The following KPRP variants were observed in gnomAD, a reference collection of about 807,000 sequenced individuals.
The protein encoded by KPRP is keratinocyte proline rich protein.
For synonymous variants in KPRP, 282 were observed against 276.9 expected, an observed-to-expected ratio of 1.02 and a Z score of -0.18; for missense variants, 820 against 746.4, an observed-to-expected ratio of 1.10 and a Z score of -1.15.
At chr1:152,760,371 G>A (rs1205728307) in exon 1 of KPRP, 1 of 1,614,102 alleles carries the variant, frequency 6.2e-7, no homozygotes, top group South Asian at 1.1e-5. Flanking sequence ...CTCCTCGGCG[G>A]CTGCAGCTTT....
At chr1:152,759,702 A>T in exon 1 of KPRP, 1 of 1,614,160 alleles carries the variant, frequency 6.2e-7, no homozygotes, top group Non-Finnish European at 8.5e-7. Flanking sequence ...TGGTGGTTCA[A>T]GCCCCTTGTG....
chr1:152,759,456 A>T, upstream of KPRP: 1 of 1,404,798 alleles, frequency 7.1e-7, no homozygotes, highest in Non-Finnish European at 9.4e-7. Context: ...ATGAAAGTTG[A>T]GGGTGGAGGA....
At chr1:152,760,608 A>G (rs781089906) in exon 1 of KPRP, 7 of 1,608,826 alleles carry the variant, frequency 4.4e-6, no homozygotes, top group Admixed American at 1.7e-5. Context: ...AGGTTCCCCC[A>G]CAGAGGTGTC....
At chr1:152,759,837 C>T in exon 1 of KPRP, 2 of 1,614,092 alleles carry the variant, frequency 1.2e-6, no homozygotes, top group South Asian at 1.1e-5. Flanking sequence ...AGGTGAAGGG[C>T]CAGGCTCAAT....
chr1:152,758,694 C>T (rs188885783), upstream of KPRP, among the ~76,000 whole-genome samples: 1 of 152,272 alleles, frequency 6.6e-6, no homozygotes, highest in East Asian at 1.9e-4. Flanking sequence ...GCAGAATGTC[C>T]GTCTTCTGAT....
chr1:152,760,736 G>A (rs552551398), exon 1 of KPRP: 1 of 1,614,064 alleles, frequency 6.2e-7, no homozygotes, highest in Non-Finnish European at 8.5e-7. Context: ...CCAAGCTTCT[G>A]TCCACCACGG....
exon 1 of KPRP, chr1:152,761,972 A>C (rs1345028927): frequency 6.0e-6 from 1 of 167,940 alleles, no homozygotes; most frequent in Non-Finnish European, 1.5e-5. Flanking sequence ...TGGCAGCTTG[A>C]ACCATGTTCT....
chr1:152,761,317 G>C, exon 1 of KPRP: 1 of 1,612,530 alleles, frequency 6.2e-7, no homozygotes, highest in Non-Finnish European at 8.5e-7. Context: ...AGCAAAGAGT[G>C]CTTATTTTTA....
At chr1:152,759,864 C>G (rs745463449) in exon 1 of KPRP, 1 of 1,613,950 alleles carries the variant, frequency 6.2e-7, no homozygotes, top group Non-Finnish European at 8.5e-7. Context: ...CTAAGACCAC[C>G]CAGGTGAAGG....
At position 152,760,480 on chromosome 1, in the gene KPRP, C is replaced by A. The variant is rs762503498; in HGVS notation, c.892C>A (p.Pro298Thr). The change falls in exon 1 of 1, where the codon CCC (proline) becomes ACC (threonine). Residue 298 changes from proline (P) to threonine (T), a missense_variant. Pro to Thr is a conservative substitution (Grantham distance 38, BLOSUM62 -1). Coordinates refer to ENST00000606109, the Ensembl canonical transcript of KPRP. The stretch of plus-strand genomic sequence containing the variant: ...AGGTTTCCCTAACTACTGCACCCCA[C>A]CCCGCCGCTCTGAACCCATATATAA... The A allele has an allele frequency of 9.2e-5, 149 of 1,613,264 alleles. No individual in the cohort carries two copies. Among genetic ancestry groups the A allele is most frequent in the Non-Finnish European group, 1.2e-4 (142 of 1,180,026 alleles).
chr1:152,760,267 T>A, exon 1 of KPRP: 1 of 1,614,154 alleles, frequency 6.2e-7, no homozygotes, highest in Non-Finnish European at 8.5e-7. Context: ...CCGGACTTCA[T>A]TTAGTCCCTG....
chr1:152,759,242 G>A (rs1269495685), upstream of KPRP, among the ~76,000 whole-genome samples: 1 of 152,206 alleles, frequency 6.6e-6, no homozygotes, highest in Non-Finnish European at 1.5e-5. Flanking sequence ...TCTACTTCCT[G>A]TAGGGCTGCT....
chr1:152,761,111 C>A, exon 1 of KPRP: 1 of 1,614,172 alleles, frequency 6.2e-7, no homozygotes, highest in Non-Finnish European at 8.5e-7. Flanking sequence ...AATCCAGTTC[C>A]ATACCCAGGA....
chr1:152,759,542 C>T (rs143764323), upstream of KPRP: 612 of 1,583,512 alleles, frequency 3.9e-4, 8 homozygotes, highest in East Asian at 0.014. Flanking sequence ...CCTCCTGACC[C>T]TGGTCTCTTT....
At chr1:152,760,463 C>T (rs770961240) in exon 1 of KPRP, 5 of 1,613,748 alleles carry the variant, frequency 3.1e-6, no homozygotes, top group African/African-American at 2.7e-5. Context: ...GAAGGTTTCC[C>T]TAACTACTGC....
Position 152,760,761 on chromosome 1 carries a change from T to C in KPRP, c.1173T>C (p.Cys391=), listed in dbSNP as rs777548212. The C allele has an allele frequency of 2.0e-5, 32 of 1,614,044 alleles. No homozygotes were observed. The Admixed American group carries it at 5.2e-4, about 26-fold the overall frequency. Residue 391 remains cysteine, a synonymous_variant, in exon 1 of 1, where the codon TGT becomes TGC. Coordinates refer to ENST00000606109, the Ensembl canonical transcript of KPRP. ...GTCCACCACGGCGTCTTGACCAGTG[T>C]CCAGAGTCACCACTGCAGCGATGTC...
upstream of KPRP, among the ~76,000 whole-genome samples, chr1:152,758,362 G>A (rs1019126915): frequency 1.3e-5 from 2 of 152,180 alleles, no homozygotes; most frequent in African/African-American, 2.4e-5. Flanking sequence ...TACACCTTAT[G>A]AGCAAAGTTG....
exon 1 of KPRP, chr1:152,761,479 TC>T: frequency 1.2e-5 from 16 of 1,376,690 alleles, no homozygotes; most frequent in African/African-American, 1.5e-5. Flanking sequence ...TTGCCTATCA[TC>T]CAAAGATCCA....
exon 1 of KPRP, chr1:152,760,019 G>A (rs758240618): frequency 2.0e-5 from 32 of 1,614,198 alleles, no homozygotes; most frequent in Non-Finnish European, 2.5e-5. Context: ...ACAGAAACTT[G>A]TTATGTAGAA....
Sources: gnomAD v4.1 joint callset for allele counts (sites outside exome capture counted in the v4.1 genomes callset) on GRCh38, gnomAD v4.1.1 for gene constraint, MANE v1.5 for transcripts, NCBI Gene and HGNC (gene_info 2026-07-23, HGNC 2026-07-21) for gene names.